Variants in DOCK11 observed in about 807,000 individuals in gnomAD.
DOCK11 encodes the protein dedicator of cytokinesis 11, also known as dedicator of cytokinesis protein 11.
In DOCK11, 70 loss-of-function variants were observed where a neutral mutation model predicts 169.1. That is an observed-to-expected ratio of 0.41 (90% CI 0.34 to 0.51). The LOEUF is 0.51. Ranked by LOEUF, DOCK11 falls within the 20% of genes least tolerant of loss-of-function variation. The pLI is 0.10. For missense variants in DOCK11, 1,166 were observed against 1,538.8 expected (o/e 0.76, Z 4.05); for synonymous variants, 529 against 541.3 (o/e 0.98, Z 0.32).
chrX:118,667,979 C>T (rs1441519276), intron 45 of DOCK11, among the ~76,000 whole-genome samples: 3 of 111,989 alleles, frequency 2.7e-5, no homozygotes, highest in Non-Finnish European at 5.6e-5. Context: ...GTTGATCTTA[C>T]GTCCTGCAAC....
intron 1 of DOCK11, among the ~76,000 whole-genome samples, chrX:118,521,435 A>G (rs187408915): frequency 1.8e-5 from 2 of 112,678 alleles, no homozygotes; most frequent in African/African-American, 3.2e-5. Context: ...AAGGGGGAAC[A>G]TGAACCATTA....
intron 45 of DOCK11, among the ~76,000 whole-genome samples, chrX:118,667,513 C>T (rs1285381626): frequency 9.2e-6 from 1 of 108,181 alleles, no homozygotes; most frequent in Admixed American, 1.0e-4. Flanking sequence ...GTCAAAAGTT[C>T]GGTTTTTCAT....
intron 1 of DOCK11, among the ~76,000 whole-genome samples, chrX:118,542,237 C>G (rs778432884): frequency 4.9e-4 from 53 of 107,141 alleles, no homozygotes; most frequent in Non-Finnish European, 8.5e-4. Context: ...GTGGCACAAT[C>G]ACGGATCACT....
chrX:118,674,231 A>C (rs985069177), intron 46 of DOCK11, among the ~76,000 whole-genome samples: 1 of 110,644 alleles, frequency 9.0e-6, no homozygotes, highest in Non-Finnish European at 1.9e-5. Context: ...GCTCACCGCA[A>C]CCTCCGCCTC....
At chrX:118,516,669 A>G (rs1334221932) in intron 1 of DOCK11, among the ~76,000 whole-genome samples, 1 of 106,378 alleles carries the variant, frequency 9.4e-6, no homozygotes, top group Non-Finnish European at 1.9e-5. Context: ...TCCTGACCTC[A>G]AATGATCTGT....
intron 48 of DOCK11, among the ~76,000 whole-genome samples, chrX:118,678,504 G>C (rs1379999697): frequency 9.1e-6 from 1 of 109,562 alleles, no homozygotes; most frequent in African/African-American, 3.3e-5. Context: ...ACAGAGTCTT[G>C]CTCTGTCACC....
chrX:118,501,381 G>A (rs968106451), intron 1 of DOCK11, among the ~76,000 whole-genome samples: 3 of 111,834 alleles, frequency 2.7e-5, no homozygotes, highest in African/African-American at 9.8e-5. Flanking sequence ...AGGTACTCGG[G>A]AGGCTGAGGC....
At chrX:118,533,770 AG>A (rs1327459367) in intron 1 of DOCK11, among the ~76,000 whole-genome samples, 1 of 112,565 alleles carries the variant, frequency 8.9e-6, no homozygotes, top group Admixed American at 9.4e-5. Context: ...TATAAAACTC[AG>A]GAAAAAGTCA....
chrX:118,502,125 C>T (rs2057579696), intron 1 of DOCK11, among the ~76,000 whole-genome samples: 1 of 110,777 alleles, frequency 9.0e-6, no homozygotes, highest in Non-Finnish European at 1.9e-5. Context: ...CCAGATGATT[C>T]TCATGTGCAC....
chrX:118,539,893 A>T (rs774037126), intron 1 of DOCK11, among the ~76,000 whole-genome samples: 1 of 108,225 alleles, frequency 9.2e-6, no homozygotes, highest in Non-Finnish European at 1.9e-5. Flanking sequence ...TCTACTAAAA[A>T]TACAAAGATT....
chrX:118,619,827 T>TC (rs2014925779), intron 31 of DOCK11, among the ~76,000 whole-genome samples: 1 of 107,936 alleles, frequency 9.3e-6, no homozygotes, highest in East Asian at 2.9e-4. Context: ...TCTTTCTTTT[T>TC]TTTTTTTTGA....
rs368478797 is a variant in DOCK11, at chrX:118,595,552, A to T, written c.2264-1879A>T. ...TTAGTTCAGGGTAGGGGCTTTGAGG[A>T]TTGAGAAGAAAACTGGCAGAACGAT... On this transcript the variant is annotated intron_variant, in intron 20 of 52. Coordinates refer to ENST00000276202, the MANE Select transcript of DOCK11 (RefSeq NM_144658.4). Among the ~76,000 whole-genome samples, 37 of 111,700 alleles carry T rather than the reference A, an allele frequency of 3.3e-4. 4 individuals are homozygous for T. The highest frequency in any genetic ancestry group is 2.9e-3 in the Admixed American group (31 of 10,546).
At chrX:118,601,959 T>G (rs1221040565) in intron 23 of DOCK11, among the ~76,000 whole-genome samples, 2 of 107,676 alleles carry the variant, frequency 1.9e-5, no homozygotes, top group Non-Finnish European at 3.9e-5. Flanking sequence ...TTTTTTTTTT[T>G]TGTATTTTTT....
chrX:118,682,746 G>C lies in DOCK11; in HGVS notation c.5964-333G>C, dbSNP rs548405752. Among the ~76,000 whole-genome samples the C allele has an allele frequency of 1.9e-4, 21 of 112,136 alleles. 1 individual carries two copies. In the South Asian group the frequency reaches 7.8e-3, roughly 42 times the overall value. ...CAAAATAAATTCTTTTTGAATGAAT[G>C]ACTCGTTATTTATAGGTGCAAATTA... On this transcript the variant is annotated intron_variant, in intron 51 of 52. Transcript: ENST00000276202.
intron 23 of DOCK11, among the ~76,000 whole-genome samples, chrX:118,604,679 G>A (rs754870545): frequency 1.0e-4 from 11 of 109,908 alleles, no homozygotes; most frequent in African/African-American, 3.3e-4. Context: ...TGTTTGTAAC[G>A]CACTTATCAT....
At chrX:118,509,879 T>G (rs1723335157) in intron 1 of DOCK11, among the ~76,000 whole-genome samples, 1 of 111,964 alleles carries the variant, frequency 8.9e-6, no homozygotes. Flanking sequence ...CCTTGGCTCA[T>G]GGCCCCTTCC....
intron 50 of DOCK11, 40 bp from the exon 51 acceptor site, chrX:118,681,654 A>G: frequency 5.0e-6 from 5 of 1,002,293 alleles, no homozygotes; most frequent in Non-Finnish European, 6.6e-6. Context: ...TGATTATTGC[A>G]TTCTGGAAAC....
intron 46 of DOCK11, among the ~76,000 whole-genome samples, chrX:118,672,484 C>G (rs775039144): frequency 1.2e-4 from 14 of 112,917 alleles, no homozygotes; most frequent in East Asian, 5.5e-4. Context: ...CCAGGCCGGA[C>G]TGCAGTGGCG....
At chrX:118,578,786 C>A in intron 13 of DOCK11, 139 bp downstream of exon 13, 1 of 536,860 alleles carries the variant, frequency 1.9e-6, no homozygotes, top group Non-Finnish European at 2.7e-6. Context: ...AAAACTTGAA[C>A]ATGGCATATT....
Sources: gnomAD v4.1 joint callset for allele counts (sites outside exome capture counted in the v4.1 genomes callset) on GRCh38, gnomAD v4.1.1 for gene constraint, MANE v1.5 for transcripts, NCBI Gene and HGNC (gene_info 2026-07-23, HGNC 2026-07-21) for gene names.